The following EYS variants were observed in gnomAD, a reference collection of about 807,000 sequenced individuals.
The protein encoded by EYS is protein eyes shut homolog.
In EYS, 250 loss-of-function variants were observed where a neutral mutation model predicts 282.1. The observed-to-expected ratio is 0.89, with a 90% CI of 0.80 to 0.98. The LOEUF is 0.98. Ranked by LOEUF, EYS falls within the 50% of genes least tolerant of loss-of-function variation. The pLI is 0.00. For missense variants in EYS, 4,016 were observed against 3,709.0 expected, an observed-to-expected ratio of 1.08 and a Z score of -2.15; for synonymous variants, 1,355 against 1,282.9, an observed-to-expected ratio of 1.06 and a Z score of -1.20.
At chr6:65,103,448 A>T (rs1352552036) in intron 12 of EYS, among the ~76,000 whole-genome samples, 1 of 151,258 alleles carries the variant, frequency 6.6e-6, no homozygotes, top group Non-Finnish European at 1.5e-5. Flanking sequence ...GTGTTCTTTC[A>T]CTGACCTTTT....
At chr6:65,490,977 A>T (rs939746914) in intron 4 of EYS, among the ~76,000 whole-genome samples, 1 of 152,084 alleles carries the variant, frequency 6.6e-6, no homozygotes, top group Non-Finnish European at 1.5e-5. Flanking sequence ...ATAATATTTT[A>T]AAATTTTAAT....
chr6:64,204,556 A>G (rs1391744036), intron 31 of EYS, among the ~76,000 whole-genome samples: 1 of 152,154 alleles, frequency 6.6e-6, no homozygotes, highest in Admixed American at 6.6e-5. Context: ...AAAAAAATGG[A>G]TGAATCTCAA....
chr6:65,538,496 T>A (rs1241138879), intron 2 of EYS, among the ~76,000 whole-genome samples: 1 of 152,124 alleles, frequency 6.6e-6, no homozygotes, highest in Non-Finnish European at 1.5e-5. Context: ...ATTTAACCCT[T>A]AAAAATTGCT....
At chr6:64,934,048 A>T (rs991729002) in intron 15 of EYS, among the ~76,000 whole-genome samples, 3 of 151,978 alleles carry the variant, frequency 2.0e-5, no homozygotes, top group African/African-American at 7.2e-5. Flanking sequence ...TGGGTGCAGT[A>T]AACCACCATG....
At position 65,476,073 on chromosome 6, in the gene EYS, A is replaced by T. The variant is rs548074420; in HGVS notation, c.862+14521T>A. Among the ~76,000 whole-genome samples, 129 of 152,204 alleles carry T rather than the reference A, an allele frequency of 8.5e-4. 1 individual carries two copies. In the South Asian group the frequency reaches 0.017, roughly 20 times the overall value. ...AGGATTACTCTCTTATTAAAAAAAAATTTAAAAAAAAGTAACTTGCCAAAA... is the reference window on the plus strand; with the variant it reads ...AGGATTACTCTCTTATTAAAAAAAATTTTAAAAAAAAGTAACTTGCCAAAA... On this transcript the variant is annotated intron_variant, in intron 5 of 42. Transcript: ENST00000503581.
At chr6:65,681,400 A>C (rs1457578604) in intron 1 of EYS, among the ~76,000 whole-genome samples, 1 of 152,056 alleles carries the variant, frequency 6.6e-6, no homozygotes, top group Non-Finnish European at 1.5e-5. Flanking sequence ...ATATTTCATA[A>C]TACCACACTT....
chr6:64,501,970 T>C (rs996744755), intron 26 of EYS, among the ~76,000 whole-genome samples: 2 of 152,198 alleles, frequency 1.3e-5, no homozygotes, highest in Non-Finnish European at 2.9e-5. Flanking sequence ...TACTTAATCA[T>C]TGTGCCTCAA....
chr6:64,617,554 G>T (rs1308578836), intron 23 of EYS, 21 bp from the exon 24 acceptor site: 2 of 1,335,494 alleles, frequency 1.5e-6, no homozygotes, highest in South Asian at 2.6e-5. Flanking sequence ...AAATTACAAA[G>T]CAGATATGCA....
intron 13 of EYS, among the ~76,000 whole-genome samples, chr6:65,006,463 C>T (rs1166204589): frequency 8.4e-6 from 1 of 119,204 alleles, no homozygotes; most frequent in Non-Finnish European, 1.6e-5. Context: ...GAGGAAACCT[C>T]GTTGTGAGCA....
intron 1 of EYS, among the ~76,000 whole-genome samples, chr6:65,646,999 G>C (rs1337570283): frequency 6.6e-6 from 1 of 152,044 alleles, no homozygotes; most frequent in East Asian, 1.9e-4. Context: ...AAACACTACT[G>C]AAAGAAATCA....
At chr6:65,346,420 A>G (rs1770396273) in intron 9 of EYS, among the ~76,000 whole-genome samples, 1 of 151,494 alleles carries the variant, frequency 6.6e-6, no homozygotes, top group South Asian at 2.1e-4. Context: ...AAAAAAACAA[A>G]AAACAATGTC....
At chr6:64,890,340 C>T (rs1767250338) in intron 18 of EYS, among the ~76,000 whole-genome samples, 1 of 152,134 alleles carries the variant, frequency 6.6e-6, no homozygotes, top group Admixed American at 6.6e-5. Context: ...CTGTAACCCA[C>T]ACCTATTCGC....
intron 2 of EYS, among the ~76,000 whole-genome samples, chr6:65,618,156 T>G: frequency 6.6e-6 from 1 of 152,182 alleles, no homozygotes; most frequent in East Asian, 1.9e-4. Flanking sequence ...TGAACTAGTT[T>G]ACAGTCCCAC....
intron 12 of EYS, among the ~76,000 whole-genome samples, chr6:65,281,337 G>A (rs1006687458): frequency 1.3e-5 from 2 of 152,018 alleles, no homozygotes; most frequent in Non-Finnish European, 2.9e-5. Context: ...TATTTCAGAT[G>A]TATTTTCACT....
At chr6:63,863,701 A>T (rs1772601779) in intron 36 of EYS, among the ~76,000 whole-genome samples, 1 of 108,686 alleles carries the variant, frequency 9.2e-6, no homozygotes, top group Non-Finnish European at 1.7e-5. Context: ...TTTGAGATGG[A>T]GTCTCTCTCT....
intron 29 of EYS, among the ~76,000 whole-genome samples, chr6:64,339,753 G>A (rs1459958250): frequency 6.6e-6 from 1 of 151,784 alleles, no homozygotes; most frequent in Non-Finnish European, 1.5e-5. Context: ...CATTTGCAGC[G>A]ACCTGGATGA....
intron 29 of EYS, among the ~76,000 whole-genome samples, chr6:64,320,762 A>T (rs187011633): frequency 5.8e-4 from 88 of 151,872 alleles, no homozygotes; most frequent in Non-Finnish European, 9.9e-4. Flanking sequence ...AATTTTGGAC[A>T]TTGTATTATT....
At chr6:63,808,103 A>G (rs769502763) in intron 36 of EYS, among the ~76,000 whole-genome samples, 2 of 152,200 alleles carry the variant, frequency 1.3e-5, no homozygotes, top group Non-Finnish European at 2.9e-5. Flanking sequence ...CCTGTGCTAG[A>G]TGCTGGTGAC....
At chr6:65,524,334 A>C (rs972433206) in intron 2 of EYS, among the ~76,000 whole-genome samples, 2 of 152,150 alleles carry the variant, frequency 1.3e-5, no homozygotes, top group Non-Finnish European at 2.9e-5. Flanking sequence ...TGGTGGAAGC[A>C]TTCTCCTTTT....
Sources: allele counts gnomAD v4.1 joint callset (sites outside exome capture counted in the v4.1 genomes callset), GRCh38; gene constraint gnomAD v4.1.1; transcripts MANE v1.5; gene names NCBI Gene and HGNC (gene_info 2026-07-23, HGNC 2026-07-21).